CACNG7: variants seen among roughly 807,000 people sequenced by gnomAD.
CACNG7 encodes calcium voltage-gated channel auxiliary subunit gamma 7, also known as voltage-dependent calcium channel gamma-7 subunit.
CACNG7 carries 9 observed loss-of-function variants against 26.3 expected under a neutral mutation model. That is an observed-to-expected ratio of 0.34 (90% CI 0.21 to 0.60). The LOEUF is 0.60. Ranked by LOEUF, CACNG7 falls within the 20% of genes least tolerant of loss-of-function variation. CACNG7 has a pLI of 0.81. For synonymous variants in CACNG7, 170 were observed against 157.0 expected (o/e 1.08, Z -0.62); for missense variants, 297 against 380.4 (o/e 0.78, Z 1.82).
At position 53,939,226 on chromosome 19, in the gene CACNG7, C is replaced by T. The variant is rs1024917777; in HGVS notation, c.425-2244C>T. Among the ~76,000 whole-genome samples the T allele has an allele frequency of 2.0e-5, 3 of 152,152 alleles. No individual in the cohort carries two copies. The highest frequency in any genetic ancestry group is 7.2e-5 in the African/African-American group (3 of 41,426). On this transcript the variant is annotated intron_variant, in intron 4 of 5. Coordinates refer to ENST00000391767, the MANE Select transcript of CACNG7 (RefSeq NM_031896.5). The surrounding 1 kb of genome is among the most constrained non-coding windows in gnomAD (Gnocchi z 4.2). The stretch of plus-strand genomic sequence containing the variant: ...TGAGCCGAGATTGCACCACTACACT[C>T]CAGCCTAGGTGACAGAGCAAGAATC...
At chr19:53,917,100 A>C (rs2068903847) in intron 4 of CACNG7, among the ~76,000 whole-genome samples, 1 of 151,958 alleles carries the variant, frequency 6.6e-6, no homozygotes, top group African/African-American at 2.4e-5. Flanking sequence ...GCCTGGCCTA[A>C]AGCTTTTTTC....
chr19:53,932,581 T>C (rs567266481), intron 4 of CACNG7, among the ~76,000 whole-genome samples: 24 of 152,282 alleles, frequency 1.6e-4, no homozygotes, highest in African/African-American at 5.8e-4. Flanking sequence ...CTCTTCCCCA[T>C]TGGCCTCATA....
intron 4 of CACNG7, among the ~76,000 whole-genome samples, chr19:53,933,688 T>G (rs2069088134): frequency 6.9e-6 from 1 of 145,958 alleles, no homozygotes; most frequent in South Asian, 2.2e-4. Context: ...GCAAGAACAC[T>G]TTATACATAG....
intron 4 of CACNG7, among the ~76,000 whole-genome samples, chr19:53,926,654 T>G (rs2069032984): frequency 1.3e-5 from 2 of 152,160 alleles, no homozygotes; most frequent in Non-Finnish European, 2.9e-5. Context: ...GGCTCATGCC[T>G]GTAAGCCCAG....
At chr19:53,930,648 C>T (rs905073239) in intron 4 of CACNG7, among the ~76,000 whole-genome samples, 2 of 152,072 alleles carry the variant, frequency 1.3e-5, no homozygotes, top group Non-Finnish European at 2.9e-5. Context: ...GCTGGGATTA[C>T]AGGCCTGAGC....
At position 53,942,328 on chromosome 19, in the gene CACNG7, C is replaced by G; in HGVS notation, c.*35C>G. Reference sequence around the variant, plus strand: ...CTCGGAGCTCCCCCTGCCTCCTCCTCCTCCTCGTCTTAGGGGGGTCTCCCT... The same window carrying G: ...CTCGGAGCTCCCCCTGCCTCCTCCTGCTCCTCGTCTTAGGGGGGTCTCCCT... On this transcript the variant is annotated 3_prime_UTR_variant, in exon 6 of 6. Transcript: ENST00000391767. The surrounding 1 kb of genome is among the most constrained non-coding windows in gnomAD (Gnocchi z 5.9). 6.7e-7 allele frequency: 1 copy of G among 1,496,656 alleles called. No homozygotes were observed. The highest frequency in any genetic ancestry group is 1.2e-5 in the South Asian group (1 of 85,490). The allele number at this position is 1,496,656 out of a possible 1,614,324, so 92.7% of individuals were successfully genotyped here. A position where few individuals can be genotyped will look rare whatever the true frequency, so the allele number is the denominator to read the frequency against.
intron 4 of CACNG7, among the ~76,000 whole-genome samples, chr19:53,934,424 G>T (rs1396146947): frequency 6.6e-6 from 1 of 152,046 alleles, no homozygotes; most frequent in Non-Finnish European, 1.5e-5. Context: ...TTGAACCCTT[G>T]GTAAAGATGG....
At chr19:53,920,498 TC>T (rs1204118710) in intron 4 of CACNG7, among the ~76,000 whole-genome samples, 5 of 23,528 alleles carry the variant, frequency 2.1e-4, no homozygotes, top group Non-Finnish European at 2.6e-4. Context: ...CCAGGTCTGG[TC>T]ATTGGTGGAG....
intron 4 of CACNG7, among the ~76,000 whole-genome samples, chr19:53,925,135 G>A (rs1282699658): frequency 5.4e-5 from 5 of 92,582 alleles, no homozygotes; most frequent in Non-Finnish European, 1.0e-4. Flanking sequence ...GACTTGCCTA[G>A]GGCTGGTCAT....
chr19:53,928,639 A>C (rs2069050095), intron 4 of CACNG7, among the ~76,000 whole-genome samples: 1 of 152,044 alleles, frequency 6.6e-6, no homozygotes, highest in Non-Finnish European at 1.5e-5. Context: ...GGAGTGAACT[A>C]TGAGGCAGGT....
At chr19:53,933,445 G>A (rs913278349) in intron 4 of CACNG7, among the ~76,000 whole-genome samples, 17 of 151,544 alleles carry the variant, frequency 1.1e-4, no homozygotes, top group East Asian at 5.9e-4. Context: ...GACTATAGGC[G>A]CCCAACACCA....
chr19:53,940,651 G>C lies in CACNG7; in HGVS notation c.425-819G>C, dbSNP rs1274433513. 1.3e-5 allele frequency among the ~76,000 whole-genome samples: 2 copies of C among 152,046 alleles called. No individual in the cohort carries two copies. Among genetic ancestry groups the C allele is most frequent in the African/African-American group, 4.8e-5 (2 of 41,396 alleles). Reference sequence around the variant, plus strand: ...CCTTTCTCTAACCTCATTTCTTGTGGCTACAGCTTATGTTACAGCTACATG... The same window carrying C: ...CCTTTCTCTAACCTCATTTCTTGTGCCTACAGCTTATGTTACAGCTACATG... On this transcript the variant is annotated intron_variant, in intron 4 of 5. Coordinates refer to ENST00000391767, the MANE Select transcript of CACNG7 (RefSeq NM_031896.5). The surrounding 1 kb of genome is among the most constrained non-coding windows in gnomAD (Gnocchi z 4.1).
intron 3 of CACNG7, among the ~76,000 whole-genome samples, chr19:53,914,918 C>T (rs555140763): frequency 4.6e-5 from 7 of 151,562 alleles, no homozygotes; most frequent in African/African-American, 7.3e-5. Flanking sequence ...AGGAGAATCG[C>T]TTGAACCTGG....
At position 53,914,604 on chromosome 19, in the gene CACNG7, C is replaced by A; in HGVS notation, c.283+18C>A. On this transcript the variant is annotated intron_variant, in intron 3 of 5. Transcript: ENST00000391767. ...TATTCTGAGTGAGGGGATGTGGGGG[C>A]ACCTAGGCACAAGACAGCAAGATCA... 1 of 1,604,730 alleles carries A rather than the reference C, an allele frequency of 6.2e-7. No individual in the cohort carries two copies.
rs961924620 is a variant in CACNG7, at chr19:53,940,106, T to C, written c.425-1364T>C. Among the ~76,000 whole-genome samples the C allele has an allele frequency of 6.6e-6, 1 of 152,162 alleles. No homozygotes were observed. The highest frequency in any genetic ancestry group is 1.5e-5 in the Non-Finnish European group (1 of 68,032). On this transcript the variant is annotated intron_variant, in intron 4 of 5. Coordinates refer to ENST00000391767, the MANE Select transcript of CACNG7 (RefSeq NM_031896.5). The surrounding 1 kb of genome is among the most constrained non-coding windows in gnomAD (Gnocchi z 4.1). ...TTGATAGGGATTAGTTAGATACATT[T>C]AAGGCAGGGAACTTTATAGCCTCCT...
rs1471543261 is a variant in CACNG7, at chr19:53,940,366, A to G, written c.425-1104A>G. ...CAGTGCCTGGCACAGACCAAGACCT[A>G]TATAAGTCGTTGCTATTATTATTGC... On this transcript the variant is annotated intron_variant, in intron 4 of 5. Transcript: ENST00000391767. The surrounding 1 kb of genome is among the most constrained non-coding windows in gnomAD (Gnocchi z 4.1). Among the ~76,000 whole-genome samples, 1 of 152,158 alleles carries G rather than the reference A, an allele frequency of 6.6e-6. No homozygotes were observed. Among genetic ancestry groups the G allele is most frequent in the Non-Finnish European group, 1.5e-5 (1 of 68,030 alleles).
chr19:53,915,585 C>G, intron 4 of CACNG7, 80 bp downstream of exon 4: 10 of 1,517,798 alleles, frequency 6.6e-6, no homozygotes, highest in Non-Finnish European at 9.0e-6. Flanking sequence ...TTAGCCACTT[C>G]CTTGCTGTGT....
chr19:53,921,522 G>C (rs1351006238), intron 4 of CACNG7, among the ~76,000 whole-genome samples: 6 of 141,922 alleles, frequency 4.2e-5, no homozygotes, highest in African/African-American at 5.4e-5. Flanking sequence ...TATTGGTGGA[G>C]TTGCCCCAGG....
chr19:53,917,363 T>C (rs1164874935), intron 4 of CACNG7, among the ~76,000 whole-genome samples: 1 of 152,190 alleles, frequency 6.6e-6, no homozygotes, highest in Admixed American at 6.5e-5. Flanking sequence ...CTCAGCTCCA[T>C]TCTGTCCCCT....
Sources: allele counts gnomAD v4.1 joint callset (sites outside exome capture counted in the v4.1 genomes callset), GRCh38; gene constraint gnomAD v4.1.1; non-coding constraint Gnocchi (gnomAD v3.1); transcripts MANE v1.5; gene names NCBI Gene and HGNC (gene_info 2026-07-23, HGNC 2026-07-21).